Variants in PRMT7 observed in about 807,000 individuals in gnomAD.
PRMT7 encodes the protein protein arginine N-methyltransferase 7.
Under a neutral mutation model 85.4 loss-of-function variants are expected in PRMT7, and 75 were observed. That is an observed-to-expected ratio of 0.88 (90% CI 0.73 to 1.06). PRMT7 has a LOEUF of 1.06. PRMT7 is among the 50% of genes least tolerant of loss of function. The probability of loss-of-function intolerance (pLI) is 0.00; values close to 1 mark genes in which losing one functional copy is unlikely to be tolerated. For missense variants in PRMT7, 868 were observed against 915.2 expected (o/e 0.95, Z 0.67); for synonymous variants, 397 against 359.5 (o/e 1.10, Z -1.18).
At position 68,324,788 on chromosome 16, in the gene PRMT7, A is replaced by G. The variant is rs200836388; in HGVS notation, c.238A>G (p.Met80Val). The change falls in exon 5 of 19, where the codon ATG becomes GTG. Residue 80 changes from methionine (M) to valine (V), a missense_variant. Coordinates refer to ENST00000441236, the MANE Select transcript of PRMT7 (RefSeq NM_019023.5). ...DIGTGTGLLSMMAVTAGADFC... is the reference protein window; with the variant it reads ...DIGTGTGLLSVMAVTAGADFC... ...TGGCACTGGCACGGGACTCTTGTCA[A>G]TGATGGCGGTCACAGCAGGTGCCGA... is the stretch of plus-strand genomic sequence containing the variant. 21 of 1,614,086 alleles carry G rather than the reference A, an allele frequency of 1.3e-5. No homozygotes were observed. Among genetic ancestry groups the G allele is most frequent in the Non-Finnish European group, 1.7e-5 (20 of 1,180,038 alleles).
At chr16:68,316,825 A>G (rs967105485) in intron 3 of PRMT7, 2 of 152,378 alleles carry the variant, frequency 1.3e-5, no homozygotes, top group African/African-American at 4.8e-5. Context: ...GTGTGCCAGC[A>G]TTGTGCTAAG....
rs368405058 is a variant in PRMT7, at chr16:68,351,114, G to A, written c.1414-1134G>A. 9.8e-5 allele frequency among the ~76,000 whole-genome samples: 15 copies of A among 152,304 alleles called. 3 individuals are homozygous for A. The highest frequency in any genetic ancestry group is 6.5e-5 in the Admixed American group (1 of 15,296). ...CCACTGTGTGGTGTACCGGTAGACCGGGGTCACATTGAATTGGAGTGGTGG... is the reference window on the plus strand; with the variant it reads ...CCACTGTGTGGTGTACCGGTAGACCAGGGTCACATTGAATTGGAGTGGTGG... On this transcript the variant is annotated intron_variant, in intron 14 of 18. Coordinates refer to ENST00000441236, the MANE Select transcript of PRMT7 (RefSeq NM_019023.5).
downstream of PRMT7, chr16:68,359,620 T>TGACAGCA (rs781487263): frequency 6.5e-6 from 1 of 152,706 alleles, no homozygotes; most frequent in African/African-American, 2.4e-5. Context: ...CAGGAGGGGC[T>TGACAGCA]GACAGCAGAC....
chr16:68,321,452 A>G lies in PRMT7; in HGVS notation c.122A>G (p.Asp41Gly). The part of the protein sequence containing the change: ...ARSSYADMLH[D>G]KDRNVKYYQG... ...TCATCTTATGCAGATATGCTACATG[A>G]CAAAGACAGAGTAAGTGTAAAAGGA... The change falls in exon 4 of 19, where the codon GAC (aspartate) becomes GGC (glycine). Residue 41 changes from aspartate (D) to glycine (G), a missense_variant. Coordinates refer to ENST00000441236, the MANE Select transcript of PRMT7 (RefSeq NM_019023.5). 6.2e-7 allele frequency: 1 copy of G among 1,610,190 alleles called. No homozygotes were observed. Among genetic ancestry groups the G allele is most frequent in the East Asian group, 2.2e-5 (1 of 44,834 alleles).
chr16:68,334,889 C>T (rs1358905860), intron 6 of PRMT7, among the ~76,000 whole-genome samples: 4 of 152,004 alleles, frequency 2.6e-5, no homozygotes, highest in Non-Finnish European at 4.4e-5. Flanking sequence ...ATCTGCCTCC[C>T]GGGTTCAGGC....
intron 6 of PRMT7, among the ~76,000 whole-genome samples, chr16:68,336,066 C>T (rs768923119): frequency 3.3e-5 from 5 of 152,174 alleles, no homozygotes; most frequent in Admixed American, 6.5e-5. Flanking sequence ...CGGGAGCCAC[C>T]GCGCCCGGCC....
At chr16:68,316,223 A>G (rs373299446) in intron 3 of PRMT7, 149 bp downstream of exon 3, 1 of 654,156 alleles carries the variant, frequency 1.5e-6, no homozygotes. Flanking sequence ...CTGCTCAGCC[A>G]GGTAGGTATA....
intron 6 of PRMT7, among the ~76,000 whole-genome samples, chr16:68,334,720 C>T (rs1350717914): frequency 2.0e-5 from 3 of 152,140 alleles, no homozygotes; most frequent in South Asian, 2.1e-4. Flanking sequence ...TATACATTAG[C>T]AGTCACACTC....
chr16:68,327,883 A>G (rs1261717104), intron 5 of PRMT7, among the ~76,000 whole-genome samples: 4 of 151,008 alleles, frequency 2.6e-5, no homozygotes, highest in Non-Finnish European at 4.4e-5. Context: ...AGCTGCAGTG[A>G]TCATGCCACT....
downstream of PRMT7, chr16:68,359,562 C>T (rs948056895): frequency 6.5e-6 from 1 of 152,818 alleles, no homozygotes; most frequent in African/African-American, 2.4e-5. Flanking sequence ...CTCTTGGTCC[C>T]TCTTGCAGCT....
At position 68,347,583 on chromosome 16, in the gene PRMT7, C is replaced by G. The variant is rs2086610898; in HGVS notation, c.1276-48C>G. 3 of 1,570,920 alleles carry G rather than the reference C, an allele frequency of 1.9e-6. No individual in the cohort carries two copies. In the African/African-American group the frequency reaches 4.1e-5, roughly 21 times the overall value. On this transcript the variant is annotated intron_variant, in intron 12 of 18. Transcript: ENST00000441236. Reference sequence around the variant, plus strand: ...GTCGCATTTTAATCTTTAATTTCTTCTCTGTTAAGTGAATATCTTACAACT... The same window carrying G: ...GTCGCATTTTAATCTTTAATTTCTTGTCTGTTAAGTGAATATCTTACAACT...
intron 9 of PRMT7, among the ~76,000 whole-genome samples, chr16:68,343,670 C>T (rs1301536797): frequency 6.6e-6 from 1 of 152,190 alleles, no homozygotes; most frequent in Non-Finnish European, 1.5e-5. Flanking sequence ...GTCTTCTTCA[C>T]ATGCATTTGC....
rs919860487 is a variant in PRMT7 at position 68,339,206 on chromosome 16, G to A, written c.505-116G>A. The A allele has an allele frequency of 4.5e-6, 6 of 1,340,850 alleles. No homozygotes were observed. The African/African-American group carries it at 8.7e-5, about 19-fold the overall frequency. 83.1% of individuals were successfully genotyped at this position (1,340,850 alleles called of 1,614,324 possible). A position where few individuals can be genotyped will look rare whatever the true frequency, so the allele number is the denominator to read the frequency against. On this transcript the variant is annotated intron_variant, in intron 7 of 18. Transcript: ENST00000441236. ...GTTCACTATTCTAATAGTATAAGGT[G>A]TTGGGCATTACTGAACCAACCTAAT... is the stretch of plus-strand genomic sequence containing the variant.
chr16:68,346,419 G>A, intron 11 of PRMT7, 139 bp downstream of exon 11: 1 of 1,222,114 alleles, frequency 8.2e-7, no homozygotes, highest in East Asian at 2.5e-5. Flanking sequence ...AGCGCCTCCT[G>A]GGTGGGCACT....
chr16:68,353,469 A>T (rs1196400479), intron 15 of PRMT7, 23 bp from the exon 16 acceptor site: 1 of 1,610,332 alleles, frequency 6.2e-7, no homozygotes, highest in South Asian at 1.1e-5. Context: ...GCGGGTGTGG[A>T]CGGGGCTGCT....
chr16:68,347,216 G>A lies in PRMT7; in HGVS notation c.1197G>A (p.Leu399=). The A allele has an allele frequency of 6.4e-7, 1 of 1,552,534 alleles. No homozygotes were observed. The highest frequency in any genetic ancestry group is 8.7e-7 in the Non-Finnish European group (1 of 1,147,246). Residue 399 remains leucine, a synonymous_variant, in exon 12 of 19, where the codon CTG becomes CTA. Coordinates refer to ENST00000441236, the MANE Select transcript of PRMT7 (RefSeq NM_019023.5). ...AGCTTGCCTGTTCCCCGCAGGTGCT[G>A]AAGCCAGACAGCGTGTGCCTGTGTG... ...DRYVQALRTV[L]KPDSVCLCVS... is the part of the protein sequence containing the mutation.
downstream of PRMT7, chr16:68,359,266 GT>G (rs2089082884): frequency 6.6e-6 from 1 of 152,526 alleles, no homozygotes; most frequent in South Asian, 2.1e-4. Flanking sequence ...GCTTCTGGAA[GT>G]TGGGGGCCTC....
intron 6 of PRMT7, among the ~76,000 whole-genome samples, chr16:68,333,493 AAAAG>A (rs1043476174): frequency 6.6e-6 from 1 of 151,756 alleles, no homozygotes; most frequent in Non-Finnish European, 1.5e-5. Flanking sequence ...AAAAAAAAAA[AAAAG>A]AAAAGAAAAG....
chr16:68,325,739 C>T (rs894906867), intron 5 of PRMT7, among the ~76,000 whole-genome samples: 1 of 149,592 alleles, frequency 6.7e-6, no homozygotes, highest in African/African-American at 2.5e-5. Flanking sequence ...TACAGTGAGC[C>T]GAGATTGCGC....
Sources: gnomAD v4.1 joint callset for allele counts (sites outside exome capture counted in the v4.1 genomes callset) on GRCh38, gnomAD v4.1.1 for gene constraint, MANE v1.5 for transcripts, NCBI Gene and HGNC (gene_info 2026-07-23, HGNC 2026-07-21) for gene names.